RAP1GDS1: variants seen among roughly 807,000 people sequenced by gnomAD.
RAP1GDS1 encodes the protein RAP1, GTP-GDP dissociation stimulator 1.
A neutral mutation model predicts 71.1 loss-of-function variants in RAP1GDS1; 35 were observed. The observed-to-expected ratio is 0.49, with a 90% CI of 0.38 to 0.65. RAP1GDS1 has a LOEUF of 0.65. RAP1GDS1 is among the 30% of genes least tolerant of loss of function. The pLI, the probability that RAP1GDS1 is intolerant of heterozygous loss-of-function variation, is 0.00. For missense variants in RAP1GDS1, 663 were observed against 706.1 expected (o/e 0.94, Z 0.69); for synonymous variants, 229 against 243.1 (o/e 0.94, Z 0.54).
chr4:98,296,585 T>G (rs1302382624), intron 2 of RAP1GDS1, among the ~76,000 whole-genome samples: 1 of 152,174 alleles, frequency 6.6e-6, no homozygotes, highest in East Asian at 1.9e-4. Flanking sequence ...ATCTCAGTTT[T>G]AAAATGTTTT....
chr4:98,339,830 G>A (rs1354881373), intron 2 of RAP1GDS1, among the ~76,000 whole-genome samples: 1 of 152,224 alleles, frequency 6.6e-6, no homozygotes, highest in Non-Finnish European at 1.5e-5. Context: ...TGGTGAGGTT[G>A]CAGAGAAAAG....
chr4:98,289,094 G>A (rs1439628865), intron 1 of RAP1GDS1, among the ~76,000 whole-genome samples: 1 of 152,030 alleles, frequency 6.6e-6, no homozygotes, highest in Non-Finnish European at 1.5e-5. Flanking sequence ...AATTATACAA[G>A]GTAGCCCTTT....
At chr4:98,385,992 CAG>C in intron 5 of RAP1GDS1, among the ~76,000 whole-genome samples, 1 of 151,554 alleles carries the variant, frequency 6.6e-6, no homozygotes, top group Admixed American at 6.6e-5. Flanking sequence ...TGTATGAAAG[CAG>C]AGACTGAATT....
rs1450478992 is a variant in RAP1GDS1 at position 98,443,306 on chromosome 4, CAA to C, written c.*1190_*1191del. The C allele has an allele frequency of 4.3e-6, 1 of 232,066 alleles. No individual in the cohort carries two copies. The highest frequency in any genetic ancestry group is 2.2e-5 in the African/African-American group (1 of 45,206). The allele number at this position is 232,066 out of a possible 1,614,324, so 14.4% of individuals were successfully genotyped here. ...TAAAGGATATGAGAAAGCCAAGACTCAAGAGATGAGAAGACCCCCTTGGCGAA... is the reference window on the plus strand; with the variant it reads ...TAAAGGATATGAGAAAGCCAAGACTCGAGATGAGAAGACCCCCTTGGCGAA... On this transcript the variant is annotated 3_prime_UTR_variant, in exon 15 of 15. Transcript: ENST00000408927.
chr4:98,390,534 G>C (rs563397978), intron 5 of RAP1GDS1, among the ~76,000 whole-genome samples: 1 of 152,112 alleles, frequency 6.6e-6, no homozygotes, highest in Admixed American at 6.6e-5. Context: ...AACCAAACCA[G>C]ATAATTATCT....
intron 4 of RAP1GDS1, among the ~76,000 whole-genome samples, chr4:98,370,716 G>T (rs994578922): frequency 2.6e-5 from 4 of 151,956 alleles, no homozygotes; most frequent in African/African-American, 9.6e-5. Context: ...GACTACAGGC[G>T]CGTGCCAACA....
intron 5 of RAP1GDS1, among the ~76,000 whole-genome samples, chr4:98,387,932 A>G (rs1743006917): frequency 2.0e-5 from 3 of 152,146 alleles, no homozygotes; most frequent in South Asian, 2.1e-4. Flanking sequence ...AACTATTTCT[A>G]GTTCTCAGAA....
chr4:98,421,248 C>G lies in RAP1GDS1; in HGVS notation c.1301-7C>G, dbSNP rs1748812647. 6.3e-7 allele frequency: 1 copy of G among 1,599,914 alleles called. No homozygotes were observed. ...ATTCATTCCTTGGTTTGCCTTCTTTCCTATAGCAGAAGCTGCTGAACAATT... is the reference window on the plus strand; with the variant it reads ...ATTCATTCCTTGGTTTGCCTTCTTTGCTATAGCAGAAGCTGCTGAACAATT... On this transcript the variant is annotated splice_polypyrimidine_tract_variant and splice_region_variant and intron_variant, in intron 11 of 14. Coordinates refer to ENST00000408927, the MANE Select transcript of RAP1GDS1 (RefSeq NM_001100427.2).
rs545883846 is a variant in RAP1GDS1 at position 98,277,663 on chromosome 4, A to C, written c.5-15745A>C. On this transcript the variant is annotated intron_variant, in intron 1 of 14. Coordinates refer to ENST00000408927, the MANE Select transcript of RAP1GDS1 (RefSeq NM_001100427.2). ...GGTACCTACTACTACTTAGATTTCAAATCTCATTCAGTGATGTAGTTCTAT... is the reference window on the plus strand; with the variant it reads ...GGTACCTACTACTACTTAGATTTCACATCTCATTCAGTGATGTAGTTCTAT... Among the ~76,000 whole-genome samples, 23 of 152,278 alleles carry C rather than the reference A, an allele frequency of 1.5e-4. No individual in the cohort carries two copies. In the East Asian group the frequency reaches 4.4e-3, roughly 29 times the overall value.
chr4:98,273,075 G>A (rs551320783), intron 1 of RAP1GDS1, among the ~76,000 whole-genome samples: 4 of 152,114 alleles, frequency 2.6e-5, no homozygotes, highest in Admixed American at 2.6e-4. Context: ...GGTCATTGTC[G>A]ACTTCTCATC....
At chr4:98,269,744 T>C (rs987898065) in intron 1 of RAP1GDS1, among the ~76,000 whole-genome samples, 1 of 152,170 alleles carries the variant, frequency 6.6e-6, no homozygotes, top group Non-Finnish European at 1.5e-5. Flanking sequence ...AGCATTTGGA[T>C]TTTTGGTTTC....
rs549414557 is a variant in RAP1GDS1 at position 98,324,335 on chromosome 4, G to A, written c.113-18804G>A. Among the ~76,000 whole-genome samples the A allele has an allele frequency of 8.9e-4, 135 of 152,186 alleles. 1 individual carries two copies. The East Asian group carries it at 0.01, about 11-fold the overall frequency. ...AGGAAGAATCAATATCGTGAAAATG[G>A]CCGTACTACCCAAGGTAATTTACAG... On this transcript the variant is annotated intron_variant, in intron 2 of 14. Coordinates refer to ENST00000408927, the MANE Select transcript of RAP1GDS1 (RefSeq NM_001100427.2).
At chr4:98,362,860 G>A (rs1240601500) in intron 4 of RAP1GDS1, among the ~76,000 whole-genome samples, 2 of 152,178 alleles carry the variant, frequency 1.3e-5, no homozygotes, top group East Asian at 3.9e-4. Context: ...ATTCTTTGGT[G>A]TATACATACT....
At position 98,397,588 on chromosome 4, in the gene RAP1GDS1, A is replaced by AACTT. The variant is rs571025470; in HGVS notation, c.637+5511_637+5514dup. ...TTTGGGACCTGGGAAGAAAGGCAAT[A>AACTT]ACTTACATAGCAAACCTTTGACATC... On this transcript the variant is annotated intron_variant, in intron 6 of 14. Coordinates refer to ENST00000408927, the MANE Select transcript of RAP1GDS1 (RefSeq NM_001100427.2). Among the ~76,000 whole-genome samples the AACTT allele has an allele frequency of 1.1e-3, 160 of 152,310 alleles. 4 individuals are homozygous for AACTT. The South Asian group carries it at 0.032, about 31-fold the overall frequency.
At chr4:98,403,730 G>A (rs919136500) in intron 6 of RAP1GDS1, among the ~76,000 whole-genome samples, 1 of 152,156 alleles carries the variant, frequency 6.6e-6, no homozygotes, top group African/African-American at 2.4e-5. Flanking sequence ...TGAATCCTAA[G>A]GAACTAGAAT....
chr4:98,336,829 G>C (rs1280298903), intron 2 of RAP1GDS1, among the ~76,000 whole-genome samples: 1 of 151,774 alleles, frequency 6.6e-6, no homozygotes, highest in African/African-American at 2.4e-5. Flanking sequence ...CTTACATTAA[G>C]CTACTTATAT....
At chr4:98,268,968 A>G (rs1219857461) in intron 1 of RAP1GDS1, among the ~76,000 whole-genome samples, 2 of 152,088 alleles carry the variant, frequency 1.3e-5, no homozygotes, top group South Asian at 2.1e-4. Context: ...TAAAATTTGT[A>G]TGGAACCACA....
chr4:98,285,577 C>G lies in RAP1GDS1; in HGVS notation c.5-7831C>G, dbSNP rs560654820. Among the ~76,000 whole-genome samples, 172 of 152,044 alleles carry G rather than the reference C, an allele frequency of 1.1e-3. 1 individual carries two copies. The South Asian group carries it at 0.018, about 16-fold the overall frequency. On this transcript the variant is annotated intron_variant, in intron 1 of 14. Transcript: ENST00000408927. ...CAACTGAAAATTGTTATCCCTGATA[C>G]TAATTTTAATGTTAATGTAAAATAT...
rs184913134 is a variant in RAP1GDS1, at chr4:98,272,168, T to C, written c.4+10599T>C. 3.5e-4 allele frequency among the ~76,000 whole-genome samples: 53 copies of C among 152,298 alleles called. No homozygotes were observed. In the East Asian group the frequency reaches 9.5e-3, roughly 27 times the overall value. ...GAGGCGGAATCAAAGATACTACATA[T>C]TGGGTTAGTGTGTAAGTAATTGTGG... On this transcript the variant is annotated intron_variant, in intron 1 of 14. Coordinates refer to ENST00000408927, the MANE Select transcript of RAP1GDS1 (RefSeq NM_001100427.2).
Sources: allele counts gnomAD v4.1 joint callset (sites outside exome capture counted in the v4.1 genomes callset), GRCh38; gene constraint gnomAD v4.1.1; transcripts MANE v1.5; gene names NCBI Gene and HGNC (gene_info 2026-07-23, HGNC 2026-07-21).